CCDC146: variants seen among roughly 807,000 people sequenced by gnomAD.
The protein encoded by CCDC146 is coiled-coil domain containing 146, also known as coiled-coil domain-containing protein 146.
A neutral mutation model predicts 119.3 loss-of-function variants in CCDC146; 92 were observed. The ratio of observed to expected loss-of-function variants is 0.77; its 90% CI spans 0.65 to 0.92. The LOEUF (loss-of-function observed/expected upper bound fraction) is 0.92, where lower values mean the gene tolerates loss of function less well. CCDC146 is among the 40% of genes least tolerant of loss of function. The pLI is 0.00. For synonymous variants in CCDC146, 372 were observed against 371.8 expected, an observed-to-expected ratio of 1.00 and a Z score of -0.01; for missense variants, 1,000 against 1,103.0, an observed-to-expected ratio of 0.91 and a Z score of 1.32.
chr7:77,265,565 CA>C (rs11288487), intron 9 of CCDC146, among the ~76,000 whole-genome samples: 112,107 of 151,878 alleles, frequency 0.74, 41,678 homozygotes, highest in East Asian at 0.93. Context: ...AGACTACACA[CA>C]AAAAAACAGA....
intron 2 of CCDC146, 59 bp from the exon 3 acceptor site, chr7:77,236,888 C>A: frequency 8.1e-7 from 1 of 1,237,982 alleles, no homozygotes; most frequent in Non-Finnish European, 1.2e-6. Flanking sequence ...TCCATTCCAT[C>A]CCCTGCTTAA....
At chr7:77,252,644 ATAAGGATGTT>A (rs1029324766) in intron 4 of CCDC146, among the ~76,000 whole-genome samples, 2 of 152,230 alleles carry the variant, frequency 1.3e-5, no homozygotes, top group African/African-American at 4.8e-5. Flanking sequence ...TGAACTGGAA[ATAAGGATGTT>A]TAACGCATCA....
chr7:77,275,375 C>T (rs777874860), intron 11 of CCDC146, among the ~76,000 whole-genome samples: 5 of 152,242 alleles, frequency 3.3e-5, no homozygotes, highest in Middle Eastern at 3.4e-3. Flanking sequence ...TATAAATCTT[C>T]CCTAAATGAG....
chr7:77,143,408 C>T (rs1769938490), intron 1 of CCDC146, among the ~76,000 whole-genome samples: 2 of 151,800 alleles, frequency 1.3e-5, no homozygotes, highest in Admixed American at 6.6e-5. Flanking sequence ...TGTGCAGAAG[C>T]TCCTTAGCTT....
At chr7:77,214,166 T>C (rs1792255521) in intron 2 of CCDC146, among the ~76,000 whole-genome samples, 1 of 152,216 alleles carries the variant, frequency 6.6e-6, no homozygotes, top group South Asian at 2.1e-4. Context: ...CTGATTGGTG[T>C]GAGATGGTAT....
chr7:77,167,404 A>T (rs1791352197), intron 1 of CCDC146, among the ~76,000 whole-genome samples: 1 of 151,980 alleles, frequency 6.6e-6, no homozygotes, highest in Non-Finnish European at 1.5e-5. Context: ...ATTCATATAT[A>T]TTTTTTATTT....
intron 1 of CCDC146, among the ~76,000 whole-genome samples, chr7:77,162,284 A>G (rs2117471120): frequency 6.6e-6 from 1 of 152,044 alleles, no homozygotes; most frequent in East Asian, 1.9e-4. Context: ...TTCAGATCTC[A>G]TGTTTAATTC....
In CCDC146 at chr7:77,295,001, T is replaced by A. The variant is rs1445353496; in HGVS notation, c.*135T>A. ...TAACCACAATTAGTCAGCAACAGAG[T>A]ACAACAGGGTTTCTATTTACCCACC... is the stretch of plus-strand genomic sequence containing the variant. On this transcript the variant is annotated 3_prime_UTR_variant, in exon 19 of 19. Transcript: ENST00000285871. The A allele has an allele frequency of 4.4e-6, 3 of 682,556 alleles. No homozygotes were observed. Among genetic ancestry groups the A allele is most frequent in the Admixed American group, 2.9e-5 (1 of 34,784 alleles). 42.3% of individuals were successfully genotyped at this position (682,556 alleles called of 1,614,324 possible). A position where few individuals can be genotyped will look rare whatever the true frequency, so the allele number is the denominator to read the frequency against.
chr7:77,273,753 GGAAGT>G lies in CCDC146; in HGVS notation c.1234_1238del (p.Glu412Ter). The G allele has an allele frequency of 6.2e-7, 1 of 1,610,682 alleles. No individual in the cohort carries two copies. Among genetic ancestry groups the G allele is most frequent in the Non-Finnish European group, 8.5e-7 (1 of 1,177,784 alleles). Reference sequence around the variant, plus strand: ...CTGAGAGAAGGCGAGAGCTTCACAAGGAAGTTGAAGTAGCTAAGAGGAATTTGGCC... The same window carrying G: ...CTGAGAGAAGGCGAGAGCTTCACAAGTGAAGTAGCTAAGAGGAATTTGGCC... On this transcript the variant is annotated frameshift_variant, in exon 10 of 19. Coordinates refer to ENST00000285871, the MANE Select transcript of CCDC146 (RefSeq NM_020879.3). LOFTEE classifies it high-confidence loss of function.
At chr7:77,127,223 G>C (rs1790701077) in intron 1 of CCDC146, among the ~76,000 whole-genome samples, 2 of 152,142 alleles carry the variant, frequency 1.3e-5, no homozygotes, top group South Asian at 4.1e-4. Flanking sequence ...CCATGTTGTG[G>C]GAGGCCCAGG....
intron 2 of CCDC146, among the ~76,000 whole-genome samples, chr7:77,191,777 G>A (rs1174015711): frequency 1.3e-5 from 2 of 152,072 alleles, no homozygotes; most frequent in East Asian, 3.9e-4. Context: ...GGGTGTGGTG[G>A]CGGGCACCTG....
chr7:77,241,719 C>T lies in CCDC146; in HGVS notation c.268C>T (p.Gln90Ter), dbSNP rs1322941887. 1.9e-6 allele frequency: 3 copies of T among 1,613,962 alleles called. No individual in the cohort carries two copies. Among genetic ancestry groups the T allele is most frequent in the Non-Finnish European group, 2.5e-6 (3 of 1,180,020 alleles). The change falls in exon 4 of 19, where the codon CAG (glutamine) becomes TAG (stop). Residue 90 changes from glutamine to a stop codon, truncating the protein, a stop_gained. Transcript: ENST00000285871. LOFTEE classifies it high-confidence loss of function. ...ACAAGAGTCAGAGGTCCAACTGCTA[C>T]AGAATGCCAAACGTTTCACTGAGCA... is the stretch of plus-strand genomic sequence containing the variant. ...STQESEVQLLQNAKRFTEQIQ... is the reference protein window; with the variant it reads ...STQESEVQLL
At chr7:77,226,983 G>A (rs1792527136) in intron 2 of CCDC146, among the ~76,000 whole-genome samples, 1 of 152,150 alleles carries the variant, frequency 6.6e-6, no homozygotes, top group Non-Finnish European at 1.5e-5. Context: ...GTTTAAGGCA[G>A]CTAAAATCTA....
intron 3 of CCDC146, among the ~76,000 whole-genome samples, chr7:77,237,591 G>A (rs562082090): frequency 5.9e-5 from 9 of 152,294 alleles, no homozygotes; most frequent in East Asian, 3.9e-4. Flanking sequence ...CTCTTCTCCC[G>A]TGTCTGTTCA....
At chr7:77,255,802 G>A (rs2150508001) in intron 5 of CCDC146, among the ~76,000 whole-genome samples, 1 of 152,322 alleles carries the variant, frequency 6.6e-6, no homozygotes, top group South Asian at 2.1e-4. Context: ...TATTTGGGGA[G>A]GATGTGCATG....
At chr7:77,262,044 G>A in intron 8 of CCDC146, 77 bp from the exon 9 acceptor site, 1 of 1,221,696 alleles carries the variant, frequency 8.2e-7, no homozygotes, top group South Asian at 1.5e-5. Context: ...TCAGCATGCT[G>A]TCTTGATAAG....
At chr7:77,141,082 C>G (rs1445227334) in intron 1 of CCDC146, among the ~76,000 whole-genome samples, 1 of 152,144 alleles carries the variant, frequency 6.6e-6, no homozygotes, top group Non-Finnish European at 1.5e-5. Flanking sequence ...CCCACACCCC[C>G]TGACAGGCCT....
chr7:77,208,942 C>T (rs1277824382), intron 2 of CCDC146, among the ~76,000 whole-genome samples: 1 of 152,144 alleles, frequency 6.6e-6, no homozygotes, highest in East Asian at 1.9e-4. Context: ...TGAAGGAATC[C>T]TCCTGCCTTA....
chr7:77,158,542 CAG>C (rs1381882164), intron 1 of CCDC146, among the ~76,000 whole-genome samples: 1 of 151,910 alleles, frequency 6.6e-6, no homozygotes, highest in Non-Finnish European at 1.5e-5. Flanking sequence ...TGTTTTGAGA[CAG>C]AGTTTCACTC....
Sources: allele counts gnomAD v4.1 joint callset (sites outside exome capture counted in the v4.1 genomes callset), GRCh38; gene constraint gnomAD v4.1.1; transcripts MANE v1.5; gene names NCBI Gene and HGNC (gene_info 2026-07-23, HGNC 2026-07-21).